Variants in TMPRSS15 observed in about 807,000 individuals in gnomAD.
TMPRSS15 encodes enteropeptidase.
A neutral mutation model predicts 125.3 loss-of-function variants in TMPRSS15; 128 were observed. The observed-to-expected ratio is 1.02, with a 90% CI of 0.89 to 1.18. The LOEUF (loss-of-function observed/expected upper bound fraction) is 1.18, where lower values mean the gene tolerates loss of function less well. Ranked by LOEUF, TMPRSS15 falls within the 50% of genes most tolerant of loss-of-function variation. TMPRSS15 has a pLI of 0.00. For missense variants in TMPRSS15, 1,283 were observed against 1,212.7 expected, an observed-to-expected ratio of 1.06 and a Z score of -0.86; for synonymous variants, 446 against 423.2, an observed-to-expected ratio of 1.05 and a Z score of -0.66.
Position 18,281,123 on chromosome 21 carries a change from A to G in TMPRSS15, c.2585T>C (p.Ile862Thr). 6.2e-7 allele frequency: 1 copy of G among 1,613,876 alleles called. No homozygotes were observed. The highest frequency in any genetic ancestry group is 8.5e-7 in the Non-Finnish European group (1 of 1,179,988). ...PQTVPRLIDE[I>T]VINPHYNRRR... ...CCTATTGTAATGAGGGTTTATGACA[A>G]TTTCATCTATTAATCGAGGGACTGT... Residue 862 changes from isoleucine to threonine, a missense_variant, in exon 22 of 25, where the codon ATT becomes ACT. Coordinates refer to ENST00000284885, the MANE Select transcript of TMPRSS15 (RefSeq NM_002772.3).
In TMPRSS15 at chr21:18,279,035, G is replaced by A. The variant is rs1222613356; in HGVS notation, c.2693C>T (p.Pro898Leu). 23 of 1,588,926 alleles carry A rather than the reference G, an allele frequency of 1.4e-5. No homozygotes were observed. Among genetic ancestry groups the A allele is most frequent in the Middle Eastern group, 3.3e-4 (2 of 6,010 alleles). The change falls in exon 23 of 25, where the codon CCG (proline) becomes CTG (leucine). Residue 898 changes from proline to leucine, a missense_variant. Transcript: ENST00000284885. The part of the protein sequence containing the change: ...YTDYIQPICL[P>L]EENQVFPPGR... ...TGGAGGAAAAACTTGATTTTCTTCC[G>A]GTAAACAAATAGGTTGTATGTAATC... is the stretch of plus-strand genomic sequence containing the variant.
intron 1 of TMPRSS15, among the ~76,000 whole-genome samples, chr21:18,470,389 T>C (rs183200217): frequency 6.6e-6 from 1 of 152,044 alleles, no homozygotes; most frequent in East Asian, 1.9e-4. Flanking sequence ...GCACAAAGTG[T>C]CTATGAACTA....
chr21:18,400,328 C>T (rs887125352), intron 1 of TMPRSS15, among the ~76,000 whole-genome samples: 3 of 152,104 alleles, frequency 2.0e-5, no homozygotes, highest in Non-Finnish European at 4.4e-5. Context: ...TCATGCTATA[C>T]TATAAAGCTA....
intron 12 of TMPRSS15, among the ~76,000 whole-genome samples, chr21:18,342,082 G>GATGTGGGAT (rs1352901020): frequency 6.6e-6 from 1 of 152,156 alleles, no homozygotes; most frequent in African/African-American, 2.4e-5. Context: ...CCAGGGTGTT[G>GATGTGGGAT]ATGTGGGATA....
chr21:18,359,896 T>A, intron 7 of TMPRSS15, 33 bp from the exon 8 acceptor site: 1 of 1,023,444 alleles, frequency 9.8e-7, no homozygotes, highest in Non-Finnish European at 1.5e-6. Context: ...ATTACCAAAT[T>A]TTTAACAGTT....
At chr21:18,437,564 G>T (rs898732901) in intron 1 of TMPRSS15, among the ~76,000 whole-genome samples, 1 of 152,036 alleles carries the variant, frequency 6.6e-6, no homozygotes, top group African/African-American at 2.4e-5. Context: ...GAAAATTTTC[G>T]CAACTTACTC....
At chr21:18,440,145 C>G (rs957081640) in intron 1 of TMPRSS15, among the ~76,000 whole-genome samples, 7 of 151,730 alleles carry the variant, frequency 4.6e-5, no homozygotes, top group Non-Finnish European at 1.0e-4. Flanking sequence ...GAGGCCGAGA[C>G]GGGCGGATCA....
At chr21:18,367,425 C>A (rs191943809) in intron 6 of TMPRSS15, among the ~76,000 whole-genome samples, 1 of 152,166 alleles carries the variant, frequency 6.6e-6, no homozygotes, top group Non-Finnish European at 1.5e-5. Context: ...TCACCTTCAA[C>A]GCTCTTTTCC....
At chr21:18,336,712 T>C (rs1277155585) in intron 13 of TMPRSS15, among the ~76,000 whole-genome samples, 1 of 152,152 alleles carries the variant, frequency 6.6e-6, no homozygotes, top group East Asian at 1.9e-4. Context: ...CAGACTGGAG[T>C]GCTGTGGCTA....
intron 1 of TMPRSS15, among the ~76,000 whole-genome samples, chr21:18,403,245 G>T (rs2076113497): frequency 2.0e-5 from 3 of 152,148 alleles, no homozygotes; most frequent in Non-Finnish European, 4.4e-5. Flanking sequence ...TCTGCATTAA[G>T]TTTCAAATTA....
At chr21:18,334,544 A>G (rs1434098187) in intron 13 of TMPRSS15, among the ~76,000 whole-genome samples, 1 of 152,194 alleles carries the variant, frequency 6.6e-6, no homozygotes, top group Non-Finnish European at 1.5e-5. Flanking sequence ...TTGTTGTAAA[A>G]TTAGACATAA....
At chr21:18,475,974 C>T (rs533041906) in intron 1 of TMPRSS15, among the ~76,000 whole-genome samples, 62 of 152,102 alleles carry the variant, frequency 4.1e-4, no homozygotes, top group African/African-American at 1.4e-3. Flanking sequence ...TATAGAAATG[C>T]TACATTAATT....
At chr21:18,454,340 T>C (rs956662459) in intron 1 of TMPRSS15, among the ~76,000 whole-genome samples, 3 of 152,126 alleles carry the variant, frequency 2.0e-5, no homozygotes, top group Non-Finnish European at 4.4e-5. Flanking sequence ...TAGAAAGAAG[T>C]ATTTTCTTTT....
chr21:18,365,240 A>C lies in TMPRSS15; in HGVS notation c.673T>G (p.Cys225Gly). 2 of 1,613,924 alleles carry C rather than the reference A, an allele frequency of 1.2e-6. No homozygotes were observed. Among genetic ancestry groups the C allele is most frequent in the Non-Finnish European group, 1.7e-6 (2 of 1,179,822 alleles). ...CCAGTTAACAAAAATCTTCCATCAC[A>C]AACTGTGGCTGCAAAACGATGCCAA... is the stretch of plus-strand genomic sequence containing the variant. ...DEDNKMCATVCDGRFLLTGSS... is the reference protein window; with the variant it reads ...DEDNKMCATVGDGRFLLTGSS... Residue 225 changes from cysteine (C) to glycine (G), a missense_variant, in exon 7 of 25, where the codon TGT (cysteine) becomes GGT (glycine). Transcript: ENST00000284885.
chr21:18,352,814 C>T lies in TMPRSS15; in HGVS notation c.1171+89G>A, dbSNP rs960843764. On this transcript the variant is annotated intron_variant, in intron 10 of 24. Transcript: ENST00000284885. ...AAAAAGACTTTTGCATTTAATACTGCTCACTTTACACTGCAGTACAACACA... is the reference window on the plus strand; with the variant it reads ...AAAAAGACTTTTGCATTTAATACTGTTCACTTTACACTGCAGTACAACACA... 5 of 1,341,600 alleles carry T rather than the reference C, an allele frequency of 3.7e-6. No individual in the cohort carries two copies. In the African/African-American group the frequency reaches 5.8e-5, roughly 16 times the overall value. 83.1% of individuals were successfully genotyped at this position (1,341,600 alleles called of 1,614,324 possible).
intron 13 of TMPRSS15, among the ~76,000 whole-genome samples, chr21:18,333,380 A>T (rs2075362965): frequency 6.6e-6 from 1 of 152,198 alleles, no homozygotes; most frequent in African/African-American, 2.4e-5. Context: ...TACAAAGGAA[A>T]TTTTTTTGTC....
chr21:18,320,289 G>C (rs539306803), intron 16 of TMPRSS15, among the ~76,000 whole-genome samples: 3 of 151,932 alleles, frequency 2.0e-5, no homozygotes, highest in Non-Finnish European at 4.4e-5. Flanking sequence ...TGAATTACAT[G>C]TCCATGATCA....
At position 18,296,139 on chromosome 21, in the gene TMPRSS15, C is replaced by T. The variant is rs563557870; in HGVS notation, c.2262-1487G>A. ...CTGCACTCCAGCCTGGGCAACAGAG[C>T]GAGACTCCGTCTCAAAAAAAGAAAA... On this transcript the variant is annotated intron_variant, in intron 19 of 24. Coordinates refer to ENST00000284885, the MANE Select transcript of TMPRSS15 (RefSeq NM_002772.3). Among the ~76,000 whole-genome samples, 34 of 152,036 alleles carry T rather than the reference C, an allele frequency of 2.2e-4. 1 individual carries two copies. The South Asian group carries it at 5.8e-3, about 26-fold the overall frequency.
chr21:18,446,220 T>C (rs1379318435), intron 1 of TMPRSS15, among the ~76,000 whole-genome samples: 1 of 151,992 alleles, frequency 6.6e-6, no homozygotes, highest in Non-Finnish European at 1.5e-5. Context: ...CCACAAGTAA[T>C]ATAAAATACC....
Sources: allele counts gnomAD v4.1 joint callset (sites outside exome capture counted in the v4.1 genomes callset), GRCh38; gene constraint gnomAD v4.1.1; transcripts MANE v1.5; gene names NCBI Gene and HGNC (gene_info 2026-07-23, HGNC 2026-07-21).